The following OCA2 variants were observed in gnomAD, a reference collection of about 807,000 sequenced individuals.
The protein encoded by OCA2 is OCA2 melanosomal transmembrane protein.
OCA2 carries 77 observed loss-of-function variants against 100.2 expected under a neutral mutation model. That is an observed-to-expected ratio of 0.77 (90% confidence interval 0.64 to 0.93). The LOEUF (loss-of-function observed/expected upper bound fraction) is 0.93. Among genes scored for constraint, OCA2 ranks in the 40% least tolerant of loss-of-function variants. The pLI is 0.00. For synonymous variants in OCA2, 432 were observed against 439.2 expected, an observed-to-expected ratio of 0.98 and a Z score of 0.21; for missense variants, 1,062 against 1,089.1, an observed-to-expected ratio of 0.98 and a Z score of 0.35.
chr15:28,054,856 G>C (rs28393198), intron 2 of OCA2, among the ~76,000 whole-genome samples: 5,228 of 152,280 alleles, frequency 0.034, 266 homozygotes, highest in African/African-American at 0.12. Context: ...ATGGCAGAAG[G>C]AGAAGCAAAC....
chr15:28,005,846 C>T (rs995534706), intron 9 of OCA2, among the ~76,000 whole-genome samples: 3 of 152,178 alleles, frequency 2.0e-5, no homozygotes, highest in Admixed American at 6.5e-5. Context: ...TTTTCAGAAT[C>T]AACATAGATG....
At chr15:27,928,233 T>G (rs1011214467) in intron 18 of OCA2, among the ~76,000 whole-genome samples, 2 of 152,124 alleles carry the variant, frequency 1.3e-5, no homozygotes, top group African/African-American at 4.8e-5. Flanking sequence ...TAATAAAGAC[T>G]GGAGTAGAAA....
At chr15:28,021,182 C>A (rs1252280205) in intron 6 of OCA2, among the ~76,000 whole-genome samples, 1 of 152,224 alleles carries the variant, frequency 6.6e-6, no homozygotes, top group Non-Finnish European at 1.5e-5. Context: ...TCCCACCTCT[C>A]CAGGACCCTC....
At chr15:27,752,807 C>A (rs866753242), downstream of OCA2, among the ~76,000 whole-genome samples, 7 of 123,306 alleles carry the variant, frequency 5.7e-5, no homozygotes, top group African/African-American at 9.1e-5. Context: ...CCCACCCCCC[C>A]CCCCCCCCCA....
At chr15:27,845,184 T>C in intron 22 of OCA2, 132 bp from the exon 23 acceptor site, 17 of 743,704 alleles carry the variant, frequency 2.3e-5, no homozygotes, top group Non-Finnish European at 3.8e-5. Context: ...GTGACCGCTT[T>C]GTAAATATCT....
intron 19 of OCA2, among the ~76,000 whole-genome samples, chr15:27,919,726 C>A (rs924342795): frequency 2.6e-5 from 4 of 152,138 alleles, no homozygotes; most frequent in Non-Finnish European, 5.9e-5. Context: ...TCCAAACCCA[C>A]AGAATGTACA....
At position 27,905,183 on chromosome 15, in the gene OCA2, T is replaced by C. The variant is rs1376472929; in HGVS notation, c.2079+20944A>G. Among the ~76,000 whole-genome samples the C allele has an allele frequency of 6.8e-5, 8 of 116,932 alleles. No homozygotes were observed. The Admixed American group carries it at 7.2e-4, about 11-fold the overall frequency. 76.7% of individuals were successfully genotyped at this position (116,932 alleles called of 152,430 possible). A position where few individuals can be genotyped will look rare whatever the true frequency, so the allele number is the denominator to read the frequency against. On this transcript the variant is annotated intron_variant, in intron 19 of 23. Coordinates refer to ENST00000354638, the MANE Select transcript of OCA2 (RefSeq NM_000275.3). ...CACCTCAAAAAAAAAAAAAAAAAAT[T>C]GGCAATGTGGACAGCTGAGGACAAT...
At chr15:28,069,074 A>T (rs961493494) in intron 2 of OCA2, among the ~76,000 whole-genome samples, 1 of 152,154 alleles carries the variant, frequency 6.6e-6, no homozygotes, top group African/African-American at 2.4e-5. Flanking sequence ...TCAACAGAGT[A>T]TTAGAAATTC....
intron 18 of OCA2, among the ~76,000 whole-genome samples, chr15:27,945,105 G>A (rs2039785676): frequency 6.6e-6 from 1 of 152,288 alleles, no homozygotes; most frequent in African/African-American, 2.4e-5. Flanking sequence ...TATGTGAATG[G>A]CTTAGCTGAA....
chr15:27,788,184 A>G (rs2032909080), intron 23 of OCA2, among the ~76,000 whole-genome samples: 1 of 152,020 alleles, frequency 6.6e-6, no homozygotes, highest in Non-Finnish European at 1.5e-5. Flanking sequence ...AGCTTGAAAA[A>G]AACAATGTGT....
In OCA2 at chr15:28,022,498, TA is replaced by T. The variant is rs1306676059; in HGVS notation, c.646+2del. The T allele has an allele frequency of 6.2e-7, 1 of 1,610,136 alleles. No individual in the cohort carries two copies. The highest frequency in any genetic ancestry group is 8.5e-7 in the Non-Finnish European group (1 of 1,176,316). On this transcript the variant is annotated splice_donor_variant, in intron 6 of 23. Coordinates refer to ENST00000354638, the MANE Select transcript of OCA2 (RefSeq NM_000275.3). LOFTEE classifies it high-confidence loss of function. ...TGGCCATCTCAGAGTGGATTTTGGATACAGTAGTTCTCCAGCGGTGATAAGG... is the reference window on the plus strand; with the variant it reads ...TGGCCATCTCAGAGTGGATTTTGGATCAGTAGTTCTCCAGCGGTGATAAGG...
At chr15:28,069,423 C>T (rs1451783529) in intron 2 of OCA2, among the ~76,000 whole-genome samples, 2 of 56,784 alleles carry the variant, frequency 3.5e-5, no homozygotes, top group African/African-American at 2.0e-4. Context: ...TCCCCCTCCC[C>T]CTCCCCCTCC....
chr15:28,074,277 G>A (rs529875863), intron 2 of OCA2, among the ~76,000 whole-genome samples: 79 of 152,240 alleles, frequency 5.2e-4, no homozygotes, highest in African/African-American at 1.8e-3. Flanking sequence ...GGTAGCTCAC[G>A]CCTGTAATCC....
chr15:27,827,091 C>G (rs1333895194), intron 23 of OCA2, among the ~76,000 whole-genome samples: 1 of 152,204 alleles, frequency 6.6e-6, no homozygotes, highest in African/African-American at 2.4e-5. Context: ...CACAAACGTT[C>G]GCCTTAGAGT....
At chr15:27,740,517 A>T in the OCA2 span, among the ~76,000 whole-genome samples, 2 of 152,138 alleles carry the variant, frequency 1.3e-5, no homozygotes, top group African/African-American at 4.8e-5. Context: ...GTGAAGGGTG[A>T]CTTAACCTAA....
At chr15:28,047,127 T>C (rs1384748607) in intron 2 of OCA2, among the ~76,000 whole-genome samples, 2 of 152,018 alleles carry the variant, frequency 1.3e-5, no homozygotes, top group Non-Finnish European at 2.9e-5. Flanking sequence ...TCTCACAAAC[T>C]TCAGACTCCC....
chr15:28,081,588 T>C, intron 2 of OCA2, 60 bp downstream of exon 2: 1 of 1,521,286 alleles, frequency 6.6e-7, no homozygotes. Context: ...GGAACGATGC[T>C]CATGGAAACC....
intron 18 of OCA2, among the ~76,000 whole-genome samples, chr15:27,951,153 G>A (rs1470846403): frequency 2.0e-5 from 3 of 152,204 alleles, no homozygotes; most frequent in African/African-American, 7.2e-5. Flanking sequence ...AAGCTCTGTG[G>A]TGAGCTCCCC....
chr15:27,817,749 G>A (rs1039619869), intron 23 of OCA2, among the ~76,000 whole-genome samples: 4 of 152,168 alleles, frequency 2.6e-5, no homozygotes, highest in Admixed American at 6.5e-5. Flanking sequence ...GAGTGGATCT[G>A]TTACTGCACA....
Sources: gnomAD v4.1 joint callset for allele counts (sites outside exome capture counted in the v4.1 genomes callset) on GRCh38, gnomAD v4.1.1 for gene constraint, MANE v1.5 for transcripts, NCBI Gene and HGNC (gene_info 2026-07-23, HGNC 2026-07-21) for gene names.